TTC39B: variants seen among roughly 807,000 people sequenced by gnomAD.
TTC39B encodes the protein tetratricopeptide repeat domain 39B.
Under a neutral mutation model 96.6 loss-of-function variants are expected in TTC39B, and 92 were observed. The ratio of observed to expected loss-of-function variants is 0.95; its 90% CI spans 0.80 to 1.13. TTC39B has a LOEUF of 1.13. Among genes scored for constraint, TTC39B ranks in the 50% most tolerant of loss-of-function variants. The pLI, the probability that TTC39B is intolerant of heterozygous loss-of-function variation, is 0.00. For synonymous variants in TTC39B, 367 were observed against 299.4 expected, an observed-to-expected ratio of 1.23 and a Z score of -2.33; for missense variants, 955 against 809.3, an observed-to-expected ratio of 1.18 and a Z score of -2.18.
At chr9:15,292,213 A>T (rs367692479) in intron 1 of TTC39B, among the ~76,000 whole-genome samples, 11 of 152,222 alleles carry the variant, frequency 7.2e-5, no homozygotes, top group African/African-American at 2.7e-4. Flanking sequence ...GGAATGCTAA[A>T]TACAGACAAA....
intron 3 of TTC39B, among the ~76,000 whole-genome samples, chr9:15,220,804 G>A (rs767592884): frequency 2.0e-5 from 3 of 152,046 alleles, no homozygotes; most frequent in Non-Finnish European, 1.5e-5. Context: ...TTTGTAGCAT[G>A]GCCCTTTGGT....
At chr9:15,223,108 A>AC (rs1820936680) in intron 3 of TTC39B, among the ~76,000 whole-genome samples, 2 of 152,244 alleles carry the variant, frequency 1.3e-5, no homozygotes, top group Non-Finnish European at 2.9e-5. Flanking sequence ...GCCCTTTAGG[A>AC]CAATGGCAGG....
rs76377476 is a variant in TTC39B at position 15,260,566 on chromosome 9, C to A, written c.275+7348G>T. On this transcript the variant is annotated intron_variant, in intron 2 of 19. Transcript: ENST00000512701. ...TCCAACTATCATTCACCGATATTCACCCTTAATTAAAACAGGCAAAACTAT... is the reference window on the plus strand; with the variant it reads ...TCCAACTATCATTCACCGATATTCAACCTTAATTAAAACAGGCAAAACTAT... Among the ~76,000 whole-genome samples, 1,166 of 152,164 alleles carry A rather than the reference C, an allele frequency of 7.7e-3. 15 individuals carry two copies. The highest frequency in any genetic ancestry group is 0.027 in the African/African-American group (1,110 of 41,520).
intron 7 of TTC39B, among the ~76,000 whole-genome samples, chr9:15,202,488 G>A (rs1389603178): frequency 6.6e-6 from 1 of 152,106 alleles, no homozygotes; most frequent in Non-Finnish European, 1.5e-5. Context: ...GAGGTGGGTG[G>A]AACACCTGAG....
intron 1 of TTC39B, among the ~76,000 whole-genome samples, chr9:15,269,375 T>G (rs188186028): frequency 4.6e-5 from 7 of 152,280 alleles, no homozygotes; most frequent in Admixed American, 2.0e-4. Flanking sequence ...AATGAATGAA[T>G]GAATGAATGA....
At chr9:15,225,081 TA>T (rs1271077246) in intron 3 of TTC39B, among the ~76,000 whole-genome samples, 2 of 151,742 alleles carry the variant, frequency 1.3e-5, no homozygotes, top group Non-Finnish European at 2.9e-5. Flanking sequence ...TAATAACTCA[TA>T]AAAAAAACCT....
At chr9:15,263,716 G>A (rs1045090031) in intron 2 of TTC39B, among the ~76,000 whole-genome samples, 3 of 152,294 alleles carry the variant, frequency 2.0e-5, no homozygotes, top group African/African-American at 7.2e-5. Context: ...GGAGGCCTCT[G>A]CTACAAGATT....
chr9:15,225,181 A>C (rs892079566), intron 3 of TTC39B, among the ~76,000 whole-genome samples: 11 of 152,186 alleles, frequency 7.2e-5, no homozygotes, highest in Non-Finnish European at 1.3e-4. Context: ...AAAATATCTA[A>C]TGGAAGGGGA....
At chr9:15,196,781 A>C (rs2131288585) in intron 8 of TTC39B, among the ~76,000 whole-genome samples, 1 of 152,344 alleles carries the variant, frequency 6.6e-6, no homozygotes, top group South Asian at 2.1e-4. Context: ...TAACTCTGAA[A>C]GAAGTTCTCC....
intron 2 of TTC39B, among the ~76,000 whole-genome samples, chr9:15,234,363 G>A (rs1043402874): frequency 2.0e-5 from 3 of 149,632 alleles, no homozygotes; most frequent in African/African-American, 7.4e-5. Flanking sequence ...AGGTGGGGGG[G>A]TCAGCCCCCC....
At chr9:15,202,746 A>C (rs912761226) in intron 7 of TTC39B, among the ~76,000 whole-genome samples, 35 of 151,914 alleles carry the variant, frequency 2.3e-4, no homozygotes, top group Middle Eastern at 3.2e-3. Context: ...AAAAAAAAAA[A>C]AGATTGTGAG....
At chr9:15,235,026 T>A (rs1821708040) in intron 2 of TTC39B, among the ~76,000 whole-genome samples, 1 of 149,342 alleles carries the variant, frequency 6.7e-6, no homozygotes. Context: ...GAATGATCAA[T>A]AAATAAATAA....
intron 6 of TTC39B, among the ~76,000 whole-genome samples, chr9:15,207,516 G>C (rs1465363413): frequency 6.6e-6 from 1 of 152,142 alleles, no homozygotes; most frequent in East Asian, 1.9e-4. Flanking sequence ...CAGTGAAAGA[G>C]TTGTGGCTTA....
rs373802894 is a variant in TTC39B, at chr9:15,229,791, G to A, written c.276-3779C>T. Reference sequence around the variant, plus strand: ...ACCGTTTTTATTATCATGGCTTTCCGAGACCTGTAAGCCAACTGGGGCAAG... The same window carrying A: ...ACCGTTTTTATTATCATGGCTTTCCAAGACCTGTAAGCCAACTGGGGCAAG... On this transcript the variant is annotated intron_variant, in intron 2 of 19. Transcript: ENST00000512701. 3.0e-4 allele frequency among the ~76,000 whole-genome samples: 46 copies of A among 152,036 alleles called. No individual in the cohort carries two copies. The South Asian group carries it at 9.2e-3, about 30-fold the overall frequency.
intron 2 of TTC39B, among the ~76,000 whole-genome samples, chr9:15,243,775 T>C (rs1822152702): frequency 6.6e-6 from 1 of 152,162 alleles, no homozygotes; most frequent in East Asian, 1.9e-4. Context: ...ACGTATGTAG[T>C]GGCATACACC....
At chr9:15,243,924 A>G (rs1027175947) in intron 2 of TTC39B, among the ~76,000 whole-genome samples, 1 of 152,196 alleles carries the variant, frequency 6.6e-6, no homozygotes, top group African/African-American at 2.4e-5. Context: ...TTTAAAAAAA[A>G]ATTTTAGAAA....
Position 15,306,303 on chromosome 9 carries a change from G to C in TTC39B, c.240+781C>G, listed in dbSNP as rs1563802650. Reference sequence around the variant, plus strand: ...AAATGAATAGTCAATAAATCAACAGGTCCGGCGCGCTAGCCCCTGGGTGCT... The same window carrying C: ...AAATGAATAGTCAATAAATCAACAGCTCCGGCGCGCTAGCCCCTGGGTGCT... On this transcript the variant is annotated intron_variant, in intron 1 of 19. Transcript: ENST00000512701. The surrounding 1 kb of genome is among the most constrained non-coding windows in gnomAD (Gnocchi z 5.1). 6.6e-6 allele frequency among the ~76,000 whole-genome samples: 1 copy of C among 152,218 alleles called. No individual in the cohort carries two copies. The highest frequency in any genetic ancestry group is 1.5e-5 in the Non-Finnish European group (1 of 68,034).
intron 2 of TTC39B, among the ~76,000 whole-genome samples, chr9:15,235,352 A>G (rs1267600218): frequency 1.3e-5 from 2 of 152,236 alleles, no homozygotes; most frequent in Non-Finnish European, 2.9e-5. Context: ...GGCATTCCTG[A>G]GAAGGAAGAA....
chr9:15,291,569 GAGTTCAT>G (rs1824191012), intron 1 of TTC39B, among the ~76,000 whole-genome samples: 1 of 152,086 alleles, frequency 6.6e-6, no homozygotes, highest in South Asian at 2.1e-4. Flanking sequence ...ATGATATGTA[GAGTTCAT>G]ATGGATGATG....
Sources: allele counts gnomAD v4.1 joint callset (sites outside exome capture counted in the v4.1 genomes callset), GRCh38; gene constraint gnomAD v4.1.1; non-coding constraint Gnocchi (gnomAD v3.1); transcripts MANE v1.5; gene names NCBI Gene and HGNC (gene_info 2026-07-23, HGNC 2026-07-21).